The following CES5A variants were observed in gnomAD, a reference collection of about 807,000 sequenced individuals.
CES5A encodes carboxylesterase 5.
In CES5A, 67 loss-of-function variants were observed where a neutral mutation model predicts 62.9. The ratio of observed to expected loss-of-function variants is 1.07; its 90% CI spans 0.88 to 1.31. The LOEUF is 1.31. Among genes scored for constraint, CES5A ranks in the 50% most tolerant of loss-of-function variants. CES5A has a pLI of 0.00. For synonymous variants in CES5A, 296 were observed against 280.8 expected (o/e 1.05, Z -0.54); for missense variants, 748 against 708.5 (o/e 1.06, Z -0.63).
At chr16:55,942,812 A>G (rs2034458929) in intron 2 of CES5A, among the ~76,000 whole-genome samples, 1 of 152,254 alleles carries the variant, frequency 6.6e-6, no homozygotes, top group Admixed American at 6.5e-5. Flanking sequence ...AAATAGTGGT[A>G]TGTCCATACA....
chr16:55,908,521 C>T (rs1232171714), intron 1 of CES5A, among the ~76,000 whole-genome samples: 5 of 152,078 alleles, frequency 3.3e-5, no homozygotes, highest in Non-Finnish European at 5.9e-5. Flanking sequence ...CCACCATGCC[C>T]GGCTAATTTT....
intron 1 of CES5A, among the ~76,000 whole-genome samples, chr16:55,897,067 C>G (rs985031611): frequency 1.3e-5 from 2 of 152,034 alleles, no homozygotes; most frequent in Admixed American, 6.5e-5. Context: ...CGCATCCCCC[C>G]CATCCTCTAC....
chr16:55,914,724 C>T (rs1240129393), intron 1 of CES5A, among the ~76,000 whole-genome samples: 1 of 152,166 alleles, frequency 6.6e-6, no homozygotes. Flanking sequence ...ATTGCTGTCC[C>T]TGGAGAGGCA....
chr16:55,859,423 G>C (rs1461300316), intron 8 of CES5A, 124 bp downstream of exon 8: 1 of 888,540 alleles, frequency 1.1e-6, no homozygotes, highest in African/African-American at 1.7e-5. Context: ...TGATCACTGT[G>C]TGCTTGGCTG....
At chr16:55,863,233 G>A (rs1250741944) in intron 6 of CES5A, 115 bp downstream of exon 6, 3 of 705,270 alleles carry the variant, frequency 4.3e-6, no homozygotes, top group African/African-American at 3.5e-5. Context: ...GGGCCAGCAT[G>A]AGGTGCCTTG....
chr16:55,952,528 C>T (rs565475849), intron 1 of CES5A, among the ~76,000 whole-genome samples: 4 of 152,004 alleles, frequency 2.6e-5, no homozygotes, highest in East Asian at 3.9e-4. Flanking sequence ...GTGGCAAGAC[C>T]GAGTGTGAGA....
intron 8 of CES5A, among the ~76,000 whole-genome samples, chr16:55,857,699 T>G (rs778592010): frequency 7.2e-5 from 11 of 152,236 alleles, no homozygotes; most frequent in South Asian, 2.1e-4. Flanking sequence ...ACACAGGCTT[T>G]TGAACTCTGC....
chr16:55,898,008 T>C (rs12597156), intron 1 of CES5A, among the ~76,000 whole-genome samples: 1 of 152,110 alleles, frequency 6.6e-6, no homozygotes, highest in East Asian at 1.9e-4. Flanking sequence ...GAATGTAAAG[T>C]TGAAAAACAG....
At chr16:55,879,638 GTC>G (rs1359805591), upstream of CES5A, among the ~76,000 whole-genome samples, 1 of 152,062 alleles carries the variant, frequency 6.6e-6, no homozygotes, top group Non-Finnish European at 1.5e-5. Context: ...TTGAGACAGT[GTC>G]TCTCTGTCAC....
intron 2 of CES5A, among the ~76,000 whole-genome samples, chr16:55,932,490 T>G (rs2034324899): frequency 6.6e-6 from 1 of 150,764 alleles, no homozygotes. Context: ...CTTACTTCAT[T>G]TGTTCATTCA....
At chr16:55,882,091 A>G (rs1417190334) in intron 1 of CES5A, among the ~76,000 whole-genome samples, 1 of 152,180 alleles carries the variant, frequency 6.6e-6, no homozygotes, top group Non-Finnish European at 1.5e-5. Flanking sequence ...CGGCCATAAC[A>G]ATGAAAAATC....
rs1221223633 is a variant in CES5A, at chr16:55,955,823, C to T, written c.42+21G>A. Reference sequence around the variant, plus strand: ...TTTGGGGGTGGGGTCCAGGCAGTAGCACCCTGTGGCTAATACTCACCTTTA... The same window carrying T: ...TTTGGGGGTGGGGTCCAGGCAGTAGTACCCTGTGGCTAATACTCACCTTTA... On this transcript the variant is annotated intron_variant, in intron 1 of 13. Coordinates refer to the CES5A transcript ENST00000521992. The T allele has an allele frequency of 2.6e-6, 4 of 1,535,644 alleles. No individual in the cohort carries two copies. The Admixed American group carries it at 5.9e-5, about 23-fold the overall frequency.
intron 4 of CES5A, among the ~76,000 whole-genome samples, chr16:55,866,587 C>G (rs1421506918): frequency 6.7e-6 from 1 of 149,560 alleles, no homozygotes; most frequent in Non-Finnish European, 1.5e-5. Flanking sequence ...CTTTGGGAGG[C>G]CGAGGCGGGC....
At chr16:55,912,219 T>A (rs1378806908) in intron 1 of CES5A, among the ~76,000 whole-genome samples, 1 of 152,232 alleles carries the variant, frequency 6.6e-6, no homozygotes, top group African/African-American at 2.4e-5. Flanking sequence ...GTCGTCAGTG[T>A]CAGTTGCCTA....
chr16:55,944,055 C>T (rs1287282383), intron 2 of CES5A: 1 of 702,196 alleles, frequency 1.4e-6, no homozygotes, highest in Non-Finnish European at 2.6e-6. Context: ...CACCTCCATG[C>T]AGAGAAGTGA....
chr16:55,900,498 C>A (rs1284924312), intron 1 of CES5A, among the ~76,000 whole-genome samples: 1 of 152,086 alleles, frequency 6.6e-6, no homozygotes, highest in African/African-American at 2.4e-5. Flanking sequence ...AGAATGAGCC[C>A]AGGGAATCCC....
intron 1 of CES5A, among the ~76,000 whole-genome samples, chr16:55,921,432 C>A (rs2034203391): frequency 6.6e-6 from 1 of 151,842 alleles, no homozygotes. Context: ...CAATGGAAAT[C>A]ATACAGGCCA....
rs531870599 is a variant in CES5A at position 55,856,988 on chromosome 16, G to A, written c.1057-543C>T. The stretch of plus-strand genomic sequence containing the variant: ...CTCCCAGTCTATGGTATTTTATTAT[G>A]GCAGCACTGACTGCCTGAGAGGCCC... On this transcript the variant is annotated intron_variant, in intron 8 of 12. Transcript: ENST00000290567. 2.0e-5 allele frequency among the ~76,000 whole-genome samples: 3 copies of A among 152,322 alleles called. No individual in the cohort carries two copies. In the East Asian group the frequency reaches 5.8e-4, roughly 29 times the overall value.
intron 9 of CES5A, among the ~76,000 whole-genome samples, chr16:55,854,505 C>CTGAGGGAT (rs2033193295): frequency 9.1e-6 from 1 of 109,908 alleles, no homozygotes; most frequent in African/African-American, 3.2e-5. Context: ...CCAAGGGGGC[C>CTGAGGGAT]TGAGGGATAT....
Sources: gnomAD v4.1 joint callset for allele counts (sites outside exome capture counted in the v4.1 genomes callset) on GRCh38, gnomAD v4.1.1 for gene constraint, MANE v1.5 for transcripts, NCBI Gene and HGNC (gene_info 2026-07-23, HGNC 2026-07-21) for gene names.